CD163: variants seen among roughly 807,000 people sequenced by gnomAD.
CD163 encodes CD163 molecule.
In CD163, 64 loss-of-function variants were observed where a neutral mutation model predicts 129.2. That is an observed-to-expected ratio of 0.50 (90% CI 0.41 to 0.61). The LOEUF is 0.61. Ranked by LOEUF, CD163 falls within the 20% of genes least tolerant of loss-of-function variation. The pLI, the probability that CD163 is intolerant of heterozygous loss-of-function variation, is 0.00. For missense variants in CD163, 1,061 were observed against 1,377.9 expected (o/e 0.77, Z 3.64); for synonymous variants, 446 against 478.5 (o/e 0.93, Z 0.89).
At position 7,482,759 on chromosome 12, in the gene CD163, C is replaced by T. The variant is rs747001854; in HGVS notation, c.3131G>A (p.Arg1044His). 1.1e-5 allele frequency: 17 copies of T among 1,613,654 alleles called. No individual in the cohort carries two copies. Among genetic ancestry groups the T allele is most frequent in the Middle Eastern group, 3.3e-4 (2 of 6,080 alleles). The change falls in exon 14 of 17, where the codon CGC (arginine) becomes CAC (histidine). Residue 1044 changes from arginine (R) to histidine (H), a missense_variant. Coordinates refer to ENST00000432237, the MANE Select transcript of CD163 (RefSeq NM_203416.4). ...QKTPQKATTG[R>H]SSRQSSFIAV... is the part of the protein sequence containing the mutation. Reference sequence around the variant, plus strand: ...AATAAAGGATGACTGACGGGATGAGCGACCTAAGTAAAAGTAAATATCAAG... The same window carrying T: ...AATAAAGGATGACTGACGGGATGAGTGACCTAAGTAAAAGTAAATATCAAG...
Position 7,485,608 on chromosome 12 carries a change from C to T in CD163, c.2459-192G>A, listed in dbSNP as rs1949236930. Among the ~76,000 whole-genome samples the T allele has an allele frequency of 6.6e-6, 1 of 152,022 alleles. No individual in the cohort carries two copies. Among genetic ancestry groups the T allele is most frequent in the African/African-American group, 2.4e-5 (1 of 41,408 alleles). Reference sequence around the variant, plus strand: ...AAATATTTTATTTATTCTATAAATACATTATAGTTTTTTGGTCTTTGGTTT... The same window carrying T: ...AAATATTTTATTTATTCTATAAATATATTATAGTTTTTTGGTCTTTGGTTT... On this transcript the variant is annotated intron_variant, in intron 10 of 16. Coordinates refer to ENST00000432237, the MANE Select transcript of CD163 (RefSeq NM_203416.4). This position sits in a 1 kb window ranked among gnomAD's most constrained non-coding sequence, Gnocchi z 4.5.
intron 4 of CD163, among the ~76,000 whole-genome samples, chr12:7,498,343 G>A (rs184647999): frequency 3.0e-4 from 45 of 152,162 alleles, no homozygotes; most frequent in Admixed American, 1.9e-3. Context: ...CAACGTGAAA[G>A]TCTCTAGACA....
At chr12:7,476,668 T>C (rs185686388) in intron 16 of CD163, among the ~76,000 whole-genome samples, 4 of 152,308 alleles carry the variant, frequency 2.6e-5, no homozygotes, top group Admixed American at 2.0e-4. Context: ...ATTCAGTACA[T>C]AGGCATGGGC....
At chr12:7,479,207 C>A (rs1443411902) in intron 16 of CD163, among the ~76,000 whole-genome samples, 2 of 152,116 alleles carry the variant, frequency 1.3e-5, no homozygotes, top group African/African-American at 2.4e-5. Flanking sequence ...ATATTACCAC[C>A]TATAGACTAT....
intron 16 of CD163, among the ~76,000 whole-genome samples, chr12:7,477,493 A>G (rs899513977): frequency 7.7e-4 from 117 of 152,280 alleles, no homozygotes; most frequent in African/African-American, 2.6e-3. Flanking sequence ...GGAACGGAAA[A>G]CCAAACACCG....
At position 7,496,817 on chromosome 12, in the gene CD163, A is replaced by G; in HGVS notation, c.1095T>C (p.Cys365=). Residue 365 remains cysteine (C), a synonymous_variant, in exon 5 of 17, where the codon TGT becomes TGC. Transcript: ENST00000432237. The surrounding 1 kb of genome is among the most constrained non-coding windows in gnomAD (Gnocchi z 4.8). ...CNHNEDAGVT[C]SDGSDLELRL... ...TTTGGTTTGGTTTTAACTTACCAGAACATGTCACGCCAGCATCTTCATTGT... is the reference window on the plus strand; with the variant it reads ...TTTGGTTTGGTTTTAACTTACCAGAGCATGTCACGCCAGCATCTTCATTGT... 1 of 1,613,960 alleles carries G rather than the reference A, an allele frequency of 6.2e-7. No homozygotes were observed. Among genetic ancestry groups the G allele is most frequent in the East Asian group, 2.2e-5 (1 of 44,880 alleles).
chr12:7,500,210 C>T (rs1320810365), intron 3 of CD163, among the ~76,000 whole-genome samples: 1 of 151,682 alleles, frequency 6.6e-6, no homozygotes, highest in Non-Finnish European at 1.5e-5. Context: ...CACCTGAGCT[C>T]AGGAGTTCGA....
In CD163 at chr12:7,483,496, C is replaced by G; in HGVS notation, c.2959G>C (p.Gly987Arg). Residue 987 changes from glycine to arginine, a missense_variant, in exon 12 of 17, where the codon GGG becomes CGG. Gly to Arg is a moderately radical substitution (Grantham distance 125, BLOSUM62 -2). Transcript: ENST00000432237. ...TCATTGAGCCATATCGGTCCAGTCCCCTGACCAAACTCTGCTTCTTTGAAT... is the reference window on the plus strand; with the variant it reads ...TCATTGAGCCATATCGGTCCAGTCCGCTGACCAAACTCTGCTTCTTTGAAT... Reference protein sequence around the residue: ...KAFKEAEFGQGTGPIWLNEVK... With the variant: ...KAFKEAEFGQRTGPIWLNEVK... 1 of 1,614,036 alleles carries G rather than the reference C, an allele frequency of 6.2e-7. No homozygotes were observed. Among genetic ancestry groups the G allele is most frequent in the Non-Finnish European group, 8.5e-7 (1 of 1,179,994 alleles).
intron 14 of CD163, among the ~76,000 whole-genome samples, chr12:7,481,757 A>G (rs1472060999): frequency 6.6e-6 from 1 of 152,200 alleles, no homozygotes; most frequent in Non-Finnish European, 1.5e-5. Flanking sequence ...TATGTGAAAC[A>G]TAAGAACTTC....
chr12:7,488,464 TGGGG>T (rs1421601338), intron 6 of CD163, among the ~76,000 whole-genome samples: 5 of 152,220 alleles, frequency 3.3e-5, no homozygotes, highest in Non-Finnish European at 7.3e-5. Context: ...TACTGCAATC[TGGGG>T]TCTGCTCAAC....
At chr12:7,486,363 T>C (rs1949248184) in intron 10 of CD163, 136 bp downstream of exon 10, 2 of 806,710 alleles carry the variant, frequency 2.5e-6, no homozygotes, top group Admixed American at 5.7e-5. Flanking sequence ...AAACCCAGAC[T>C]TCTGTTGTCC....
At chr12:7,472,439 G>T (rs907647718) in intron 16 of CD163, among the ~76,000 whole-genome samples, 2 of 152,238 alleles carry the variant, frequency 1.3e-5, no homozygotes, top group African/African-American at 4.8e-5. Context: ...ATAGGGTCTG[G>T]AGTGGACCTC....
At chr12:7,483,775 A>G in intron 11 of CD163, 100 bp from the exon 12 acceptor site, 1 of 503,130 alleles carries the variant, frequency 2.0e-6, no homozygotes, top group Non-Finnish European at 3.1e-6. Flanking sequence ...AAAAAAAAAA[A>G]CTATTTAAAA....
intron 12 of CD163, 112 bp downstream of exon 12, chr12:7,483,255 T>TC (rs1949188566): frequency 1.0e-6 from 1 of 999,510 alleles, no homozygotes; most frequent in South Asian, 1.6e-5. Flanking sequence ...TCTCTGAGAA[T>TC]CCCCACCAGA....
chr12:7,488,035 A>G lies in CD163; in HGVS notation c.1473T>C (p.Val491=). The G allele has an allele frequency of 6.2e-7, 1 of 1,614,092 alleles. No homozygotes were observed. The highest frequency in any genetic ancestry group is 1.3e-5 in the African/African-American group (1 of 75,048). Residue 491 remains valine, a synonymous_variant, in exon 7 of 17, where the codon GTT becomes GTC. Coordinates refer to ENST00000432237, the MANE Select transcript of CD163 (RefSeq NM_203416.4). ...VGGDIPCSGR[V]EVKHGDTWGS... ...CCCACGTGTCACCATGCTTCACTTC[A>G]ACACGTCCAGAACAGGGAATGTCCC...
At chr12:7,502,755 G>C (rs1359380374) in intron 1 of CD163, 191 bp from the exon 2 acceptor site, 1 of 627,392 alleles carries the variant, frequency 1.6e-6, no homozygotes, top group Non-Finnish European at 2.8e-6. Flanking sequence ...TTTTGAAAAT[G>C]TTCATGTTTA....
intron 12 of CD163, 55 bp from the exon 13 acceptor site, chr12:7,483,059 G>T: frequency 6.4e-7 from 1 of 1,558,670 alleles, no homozygotes. Flanking sequence ...TATAGAACAA[G>T]CCTTCTGATT....
In CD163 at chr12:7,485,720, TCTC is replaced by T. The variant is rs1472751829; in HGVS notation, c.2459-307_2459-305del. Among the ~76,000 whole-genome samples the T allele has an allele frequency of 6.6e-6, 1 of 152,272 alleles. No individual in the cohort carries two copies. The highest frequency in any genetic ancestry group is 1.5e-5 in the Non-Finnish European group (1 of 68,018). On this transcript the variant is annotated intron_variant, in intron 10 of 16. Transcript: ENST00000432237. The surrounding 1 kb of genome is among the most constrained non-coding windows in gnomAD (Gnocchi z 4.5). ...AGTTTGGATTTTTTCCCAAAAATAT[TCTC>T]CTTTTTTTGCAACTGTCTTTGATAG...
rs755036902 is a variant in CD163, at chr12:7,491,002, C to A, written c.1421-2915G>T. Among the ~76,000 whole-genome samples the A allele has an allele frequency of 2.0e-5, 3 of 152,028 alleles. No homozygotes were observed. In the South Asian group the frequency reaches 6.2e-4, roughly 32 times the overall value. ...TTAACTAGTATTCATATGATCCCAA[C>A]CTCTTTTGGACAGCCCTAAATCTTT... On this transcript the variant is annotated intron_variant, in intron 6 of 16. Transcript: ENST00000432237.
Sources: gnomAD v4.1 joint callset for allele counts (sites outside exome capture counted in the v4.1 genomes callset) on GRCh38, gnomAD v4.1.1 for gene constraint, Gnocchi (gnomAD v3.1) non-coding constraint, MANE v1.5 for transcripts, NCBI Gene and HGNC (gene_info 2026-07-23, HGNC 2026-07-21) for gene names.